Variants in FRMPD4 observed in about 807,000 individuals in gnomAD.
FRMPD4 encodes FERM and PDZ domain containing 4, also known as FERM and PDZ domain-containing protein 4.
In FRMPD4, 22 loss-of-function variants were observed where a neutral mutation model predicts 94.1. The observed-to-expected ratio is 0.23, with a 90% confidence interval of 0.17 to 0.33. The LOEUF is 0.33. Ranked by LOEUF, FRMPD4 falls within the 10% of genes least tolerant of loss-of-function variation. FRMPD4 has a pLI of 1.00. For missense variants in FRMPD4, 1,111 were observed against 1,339.9 expected (o/e 0.83, Z 2.67); for synonymous variants, 631 against 548.6 (o/e 1.15, Z -2.10).
chrX:12,339,893 G>A (rs2055585823), intron 1 of FRMPD4, among the ~76,000 whole-genome samples: 1 of 112,456 alleles, frequency 8.9e-6, no homozygotes, highest in Non-Finnish European at 1.9e-5. Context: ...GGGATTACAG[G>A]CGTAAGCCAC....
intron 3 of FRMPD4, among the ~76,000 whole-genome samples, chrX:12,001,280 C>A (rs1388967378): frequency 8.9e-6 from 1 of 112,078 alleles, no homozygotes; most frequent in East Asian, 2.8e-4. Flanking sequence ...AAGACAACCA[C>A]ATCTATTATA....
At chrX:12,043,976 A>G (rs1054833442) in intron 3 of FRMPD4, among the ~76,000 whole-genome samples, 1 of 111,648 alleles carries the variant, frequency 9.0e-6, no homozygotes, top group South Asian at 3.7e-4. Flanking sequence ...AAGGCTTTTT[A>G]TATAACTAAC....
At chrX:12,683,880 C>T (rs866695757) in intron 6 of FRMPD4, among the ~76,000 whole-genome samples, 3 of 112,545 alleles carry the variant, frequency 2.7e-5, no homozygotes, top group Middle Eastern at 4.6e-3. Flanking sequence ...ATCACTGACA[C>T]TGCCTCATTC....
At chrX:12,454,087 T>C (rs1313370938) in intron 1 of FRMPD4, among the ~76,000 whole-genome samples, 2 of 112,305 alleles carry the variant, frequency 1.8e-5, no homozygotes, top group African/African-American at 6.5e-5. Flanking sequence ...AAACTAATCT[T>C]TATTATGACT....
At chrX:12,311,063 C>T (rs1221415627) in intron 1 of FRMPD4, among the ~76,000 whole-genome samples, 1 of 112,040 alleles carries the variant, frequency 8.9e-6, no homozygotes, top group Non-Finnish European at 1.9e-5. Context: ...ATTCCATGTT[C>T]CTTGTCTATT....
chrX:11,857,135 A>C (rs1285627880), intron 1 of FRMPD4, among the ~76,000 whole-genome samples: 1 of 112,054 alleles, frequency 8.9e-6, no homozygotes, highest in African/African-American at 3.2e-5. Flanking sequence ...ATACTGTCCA[A>C]AGCCATTTAT....
At chrX:12,048,988 T>C (rs766683123) in intron 3 of FRMPD4, among the ~76,000 whole-genome samples, 49 of 111,933 alleles carry the variant, frequency 4.4e-4, no homozygotes, top group Admixed American at 8.5e-4. Flanking sequence ...TGGTTACATA[T>C]GAATTTTAGA....
chrX:12,058,610 C>T (rs191788709), intron 3 of FRMPD4, among the ~76,000 whole-genome samples: 163 of 110,489 alleles, frequency 1.5e-3, no homozygotes, highest in African/African-American at 5.0e-3. Flanking sequence ...TTCTTATTTA[C>T]GATGAAACAA....
chrX:11,891,141 C>G (rs1347070192), intron 3 of FRMPD4, among the ~76,000 whole-genome samples: 1 of 112,532 alleles, frequency 8.9e-6, no homozygotes, highest in Non-Finnish European at 1.9e-5. Flanking sequence ...CGGATCTCTA[C>G]CTGGGACAGA....
chrX:12,619,864 G>A (rs917385503), intron 4 of FRMPD4, among the ~76,000 whole-genome samples: 1 of 111,652 alleles, frequency 9.0e-6, no homozygotes, highest in African/African-American at 3.3e-5. Context: ...TAGTTCCACA[G>A]ATTTTGAAAC....
chrX:12,490,539 G>A (rs986239902), intron 1 of FRMPD4, among the ~76,000 whole-genome samples: 3 of 112,222 alleles, frequency 2.7e-5, no homozygotes, highest in Admixed American at 9.4e-5. Flanking sequence ...TTTGTTATAT[G>A]CATTAAAGAA....
At chrX:12,613,630 G>A (rs898133458) in intron 3 of FRMPD4, among the ~76,000 whole-genome samples, 6 of 111,997 alleles carry the variant, frequency 5.4e-5, no homozygotes, top group African/African-American at 1.9e-4. Flanking sequence ...AGGATTGCTT[G>A]AGCCCAGGAT....
chrX:12,591,716 AT>A (rs775013128), intron 2 of FRMPD4, among the ~76,000 whole-genome samples: 12 of 111,627 alleles, frequency 1.1e-4, no homozygotes, highest in African/African-American at 3.9e-4. Context: ...AACGTGCTTA[AT>A]TTTGTATTTC....
In FRMPD4 at chrX:12,132,436, T is replaced by C. The variant is rs145837356; in HGVS notation, c.95+254418T>C. 7.0e-3 allele frequency among the ~76,000 whole-genome samples: 781 copies of C among 110,899 alleles called. 7 individuals are homozygous for C. Among genetic ancestry groups the C allele is most frequent in the African/African-American group, 0.025 (756 of 30,443 alleles). ...GTGGGTGGTCTGGAGTTGAGGGATC[T>C]AGGCCAGGGATAGAAATGTGGGATT... On this transcript the variant is annotated intron_variant, in intron 3 of 18. Coordinates refer to the FRMPD4 transcript ENST00000640291.
chrX:12,341,157 G>A (rs752124824), intron 1 of FRMPD4, among the ~76,000 whole-genome samples: 1 of 111,939 alleles, frequency 8.9e-6, no homozygotes, highest in African/African-American at 3.2e-5. Context: ...AGTTATTTTA[G>A]CCTTTAATTC....
At chrX:12,160,232 T>C (rs1307991071) in intron 1 of FRMPD4, among the ~76,000 whole-genome samples, 1 of 111,380 alleles carries the variant, frequency 9.0e-6, no homozygotes, top group Admixed American at 9.6e-5. Flanking sequence ...TTCAAACTGT[T>C]CCCTAATGTA....
At chrX:11,912,052 A>T (rs770785694) in intron 3 of FRMPD4, among the ~76,000 whole-genome samples, 1 of 112,029 alleles carries the variant, frequency 8.9e-6, no homozygotes, top group Non-Finnish European at 1.9e-5. Context: ...TTCACAGGCT[A>T]CTTCAACTGC....
At chrX:12,191,362 C>T (rs903070050) in intron 1 of FRMPD4, among the ~76,000 whole-genome samples, 1 of 111,865 alleles carries the variant, frequency 8.9e-6, no homozygotes, top group African/African-American at 3.2e-5. Flanking sequence ...TAAACATTCT[C>T]TTACCATACG....
intron 3 of FRMPD4, among the ~76,000 whole-genome samples, chrX:12,050,432 G>T (rs918275161): frequency 4.5e-5 from 5 of 111,544 alleles, no homozygotes; most frequent in African/African-American, 1.6e-4. Flanking sequence ...TATAACCGAG[G>T]TGTGAATTAG....
Sources: gnomAD v4.1 joint callset for allele counts (sites outside exome capture counted in the v4.1 genomes callset) on GRCh38, gnomAD v4.1.1 for gene constraint, MANE v1.5 for transcripts, NCBI Gene and HGNC (gene_info 2026-07-23, HGNC 2026-07-21) for gene names.